Variants in CSMD1 observed in about 807,000 individuals in gnomAD.
The protein encoded by CSMD1 is CUB and sushi domain-containing protein 1.
In CSMD1, 213 loss-of-function variants were observed where a neutral mutation model predicts 417.5. That is an observed-to-expected ratio of 0.51 (90% CI 0.46 to 0.57). The LOEUF is 0.57. Ranked by LOEUF, CSMD1 falls within the 20% of genes least tolerant of loss-of-function variation. The pLI, the probability that CSMD1 is intolerant of heterozygous loss-of-function variation, is 0.00. For synonymous variants in CSMD1, 2,862 were observed against 1,736.8 expected, an observed-to-expected ratio of 1.65 and a Z score of -16.11; for missense variants, 6,923 against 4,529.7, an observed-to-expected ratio of 1.53 and a Z score of -15.17.
At chr8:3,073,960 G>T (rs1813473635) in intron 49 of CSMD1, among the ~76,000 whole-genome samples, 2 of 152,084 alleles carry the variant, frequency 1.3e-5, no homozygotes, top group South Asian at 4.1e-4. Flanking sequence ...ACACATAGAG[G>T]CCCAAAACAG....
At chr8:3,087,958 G>T (rs1406861218) in intron 48 of CSMD1, among the ~76,000 whole-genome samples, 7 of 152,156 alleles carry the variant, frequency 4.6e-5, no homozygotes, top group African/African-American at 1.7e-4. Context: ...CTTAATCAAG[G>T]CCATTAATTT....
intron 2 of CSMD1, among the ~76,000 whole-genome samples, chr8:4,420,877 G>A (rs978776926): frequency 2.0e-5 from 3 of 152,108 alleles, no homozygotes; most frequent in Admixed American, 1.3e-4. Flanking sequence ...GTGAAGCCTG[G>A]TCTGTCCTCT....
At chr8:3,696,995 C>T (rs1800589200) in intron 7 of CSMD1, among the ~76,000 whole-genome samples, 1 of 152,072 alleles carries the variant, frequency 6.6e-6, no homozygotes, top group African/African-American at 2.4e-5. Context: ...CCCCAGGATC[C>T]AGTAGGTCAT....
chr8:4,246,761 C>A (rs1802740020), intron 3 of CSMD1, among the ~76,000 whole-genome samples: 2 of 151,952 alleles, frequency 1.3e-5, no homozygotes, highest in Admixed American at 1.3e-4. Flanking sequence ...AAAACAGGAT[C>A]AAGAAGATTT....
chr8:4,152,485 A>C (rs1647370), intron 3 of CSMD1, among the ~76,000 whole-genome samples: 149,708 of 151,192 alleles, frequency 0.99, 74,129 homozygotes, highest in Middle Eastern at 1. Context: ...GCCAAGGAGT[A>C]TGGAAAACAC....
intron 1 of CSMD1, among the ~76,000 whole-genome samples, chr8:4,737,605 T>A: frequency 6.6e-6 from 1 of 152,184 alleles, no homozygotes; most frequent in East Asian, 1.9e-4. Flanking sequence ...TCTATCTTTA[T>A]ACTAGCACTA....
At chr8:4,714,981 C>G (rs1584986263) in intron 1 of CSMD1, among the ~76,000 whole-genome samples, 1 of 152,164 alleles carries the variant, frequency 6.6e-6, no homozygotes, top group African/African-American at 2.4e-5. Flanking sequence ...CTGTATTTCC[C>G]TTTATGCTCA....
At chr8:3,467,868 C>T (rs533137668) in intron 12 of CSMD1, among the ~76,000 whole-genome samples, 1 of 152,314 alleles carries the variant, frequency 6.6e-6, no homozygotes, top group Non-Finnish European at 1.5e-5. Flanking sequence ...AAAACTATTC[C>T]TATGGTATAC....
At chr8:4,425,826 T>A (rs1797517151) in intron 2 of CSMD1, among the ~76,000 whole-genome samples, 1 of 152,152 alleles carries the variant, frequency 6.6e-6, no homozygotes, top group Non-Finnish European at 1.5e-5. Context: ...TCCAGGGTAG[T>A]ACGGGAATAT....
At chr8:4,189,601 T>A (rs1798893901) in intron 3 of CSMD1, among the ~76,000 whole-genome samples, 1 of 152,194 alleles carries the variant, frequency 6.6e-6, no homozygotes, top group African/African-American at 2.4e-5. Context: ...GTTGATTAGT[T>A]TTTGGAAAAT....
At chr8:2,944,514 C>A (rs768827809) in intron 68 of CSMD1, among the ~76,000 whole-genome samples, 4 of 152,108 alleles carry the variant, frequency 2.6e-5, no homozygotes, top group Non-Finnish European at 4.4e-5. Context: ...TACAACAATG[C>A]CTGGCACAGA....
At position 4,290,362 on chromosome 8, in the gene CSMD1, G is replaced by A. The variant is rs190889828; in HGVS notation, c.415+129591C>T. Among the ~76,000 whole-genome samples the A allele has an allele frequency of 2.0e-5, 3 of 152,314 alleles. No individual in the cohort carries two copies. The East Asian group carries it at 5.8e-4, about 29-fold the overall frequency. The stretch of plus-strand genomic sequence containing the variant: ...AGTAATGCTCTATGACATCTGAATG[G>A]AGGGAGAGAAGCCCAAAGACGTAGG... On this transcript the variant is annotated intron_variant, in intron 3 of 69. Transcript: ENST00000635120.
intron 5 of CSMD1, among the ~76,000 whole-genome samples, chr8:3,924,930 T>C (rs1809545684): frequency 6.6e-6 from 1 of 152,208 alleles, no homozygotes; most frequent in East Asian, 1.9e-4. Context: ...CCTTTATTTT[T>C]TTCTCTCTTC....
At chr8:3,633,821 C>A (rs936603602) in intron 7 of CSMD1, among the ~76,000 whole-genome samples, 19 of 152,086 alleles carry the variant, frequency 1.2e-4, no homozygotes, top group African/African-American at 4.3e-4. Context: ...TAGCTTGTAA[C>A]CAGCTATGAA....
At chr8:3,426,060 T>A (rs996990083) in intron 12 of CSMD1, among the ~76,000 whole-genome samples, 1 of 152,234 alleles carries the variant, frequency 6.6e-6, no homozygotes, top group Non-Finnish European at 1.5e-5. Context: ...ATATTCTTGA[T>A]AATCTGTGAA....
chr8:4,247,673 G>T (rs983991443), intron 3 of CSMD1, among the ~76,000 whole-genome samples: 1 of 152,082 alleles, frequency 6.6e-6, no homozygotes, highest in African/African-American at 2.4e-5. Context: ...AATTAATTTT[G>T]TAATGTATGA....
intron 3 of CSMD1, among the ~76,000 whole-genome samples, chr8:4,179,976 A>G (rs190944608): frequency 2.6e-4 from 39 of 152,170 alleles, no homozygotes; most frequent in East Asian, 5.8e-4. Context: ...TTACACTGTT[A>G]GTGGGACTGT....
intron 3 of CSMD1, among the ~76,000 whole-genome samples, chr8:4,326,310 G>A (rs1048280981): frequency 1.3e-5 from 2 of 152,152 alleles, no homozygotes; most frequent in African/African-American, 4.8e-5. Flanking sequence ...CAGCGGATAA[G>A]TCCTTTGAAA....
chr8:3,636,623 C>G lies in CSMD1; in HGVS notation c.1010-19826G>C, dbSNP rs138289756. On this transcript the variant is annotated intron_variant, in intron 7 of 69. Coordinates refer to ENST00000635120, the MANE Select transcript of CSMD1 (RefSeq NM_033225.6). The stretch of plus-strand genomic sequence containing the variant: ...ACATCTTTTCAGGAAATGTTTTCTC[C>G]CACCCTACAAAACAAATCATGACGC... Among the ~76,000 whole-genome samples, 512 of 152,208 alleles carry G rather than the reference C, an allele frequency of 3.4e-3. 4 individuals carry two copies. The highest frequency in any genetic ancestry group is 0.012 in the African/African-American group (487 of 41,534).
Sources: allele counts gnomAD v4.1 joint callset (sites outside exome capture counted in the v4.1 genomes callset), GRCh38; gene constraint gnomAD v4.1.1; transcripts MANE v1.5; gene names NCBI Gene and HGNC (gene_info 2026-07-23, HGNC 2026-07-21).